Variants in LRRC53 observed in about 807,000 individuals in gnomAD.
The protein encoded by LRRC53 is leucine rich repeat containing 53.
In LRRC53, 25 loss-of-function variants were observed where a neutral mutation model predicts 13.6. The observed-to-expected ratio is 1.83, with a 90% CI of 1.34 to 2.56. LRRC53 has a LOEUF of 2.56. Ranked by LOEUF, LRRC53 falls within the 30% of genes most tolerant of loss-of-function variation. The pLI is 0.00. For synonymous variants in LRRC53, 204 were observed against 109.8 expected (o/e 1.86, Z -5.37); for missense variants, 527 against 275.8 (o/e 1.91, Z -6.45).
At chr1:74,485,496 G>C (rs1044851530) in intron 1 of LRRC53, among the ~76,000 whole-genome samples, 1 of 152,156 alleles carries the variant, frequency 6.6e-6, no homozygotes, top group Non-Finnish European at 1.5e-5. Flanking sequence ...GTGATAAGCA[G>C]GATTCTAACA....
chr1:74,474,292 T>G (rs890309078), intron 4 of LRRC53, among the ~76,000 whole-genome samples: 2 of 152,164 alleles, frequency 1.3e-5, no homozygotes, highest in African/African-American at 4.8e-5. Flanking sequence ...CAGTCTGACC[T>G]GGTTTCTATG....
chr1:74,523,316 T>C, the LRRC53 span, among the ~76,000 whole-genome samples: 4 of 152,214 alleles, frequency 2.6e-5, no homozygotes, highest in Non-Finnish European at 1.5e-5. Context: ...TCTAAAGACA[T>C]GTATCATCAA....
rs761055012 is a variant in LRRC53, at chr1:74,489,230, G to T, written c.-26-5855C>A. 3.1e-6 allele frequency: 5 copies of T among 1,611,962 alleles called. No individual in the cohort carries two copies. In the South Asian group the frequency reaches 5.5e-5, roughly 18 times the overall value. On this transcript the variant is annotated intron_variant, in intron 1 of 4. Coordinates refer to ENST00000294635, the MANE Select transcript of LRRC53 (RefSeq NM_001382280.1). ...CTGAAGTTGTCATGAAGTTAGAAGAGTGTCTCTGCAACATTGAGGTAAAAG... is the reference window on the plus strand; with the variant it reads ...CTGAAGTTGTCATGAAGTTAGAAGATTGTCTCTGCAACATTGAGGTAAAAG...
At chr1:74,483,007 G>T (rs966597452) in intron 2 of LRRC53, among the ~76,000 whole-genome samples, 3 of 152,148 alleles carry the variant, frequency 2.0e-5, no homozygotes, top group Non-Finnish European at 4.4e-5. Context: ...GTGTGTAGCT[G>T]GATAAAATGG....
chr1:74,473,598 G>A (rs78430300), intron 4 of LRRC53, among the ~76,000 whole-genome samples: 2 of 151,514 alleles, frequency 1.3e-5, no homozygotes, highest in Non-Finnish European at 2.9e-5. Flanking sequence ...GTAGACAGGA[G>A]ATGTACTCTC....
chr1:74,495,657 C>T (rs1669292319), intron 1 of LRRC53, among the ~76,000 whole-genome samples: 1 of 152,080 alleles, frequency 6.6e-6, no homozygotes, highest in African/African-American at 2.4e-5. Flanking sequence ...AACTGAGGCT[C>T]ATAGAAAAGG....
At chr1:74,497,843 G>A (rs1472884261) in intron 1 of LRRC53, among the ~76,000 whole-genome samples, 1 of 152,072 alleles carries the variant, frequency 6.6e-6, no homozygotes, top group Non-Finnish European at 1.5e-5. Context: ...AGTGAATTCC[G>A]GAGTCCAATT....
chr1:74,492,989 C>G (rs1169751444), intron 1 of LRRC53, among the ~76,000 whole-genome samples: 1 of 152,088 alleles, frequency 6.6e-6, no homozygotes, highest in East Asian at 1.9e-4. Context: ...TCTAGTGTCC[C>G]TTTATCTTCT....
chr1:74,505,865 C>T (rs558467877), intron 1 of LRRC53, among the ~76,000 whole-genome samples: 62 of 152,282 alleles, frequency 4.1e-4, no homozygotes, highest in African/African-American at 1.4e-3. Context: ...ATTAGCTGAA[C>T]ATTTTTTATT....
intron 1 of LRRC53, among the ~76,000 whole-genome samples, chr1:74,490,124 T>C (rs771135546): frequency 3.3e-5 from 5 of 151,614 alleles, no homozygotes; most frequent in Admixed American, 6.6e-5. Flanking sequence ...GGATTTGCAG[T>C]TACAGCCTGC....
intron 1 of LRRC53, among the ~76,000 whole-genome samples, chr1:74,504,962 A>G (rs999239074): frequency 6.6e-6 from 1 of 152,216 alleles, no homozygotes; most frequent in African/African-American, 2.4e-5. Context: ...AAACTGCTAA[A>G]TAAATGGTGA....
chr1:74,536,627 T>C, the LRRC53 span, among the ~76,000 whole-genome samples: 4 of 152,082 alleles, frequency 2.6e-5, no homozygotes, highest in East Asian at 5.8e-4. Context: ...AAAGACTATG[T>C]TATTCTCTTT....
At position 74,488,348 on chromosome 1, in the gene LRRC53, G is replaced by A. The variant is rs375608805; in HGVS notation, c.-26-4973C>T. On this transcript the variant is annotated intron_variant, in intron 1 of 4. Coordinates refer to ENST00000294635, the MANE Select transcript of LRRC53 (RefSeq NM_001382280.1). ...TATAAGGGAAGCAGTGTTCTCAGGG[G>A]TGGGCTAGATAGTAAGGGAGAAATT... is the stretch of plus-strand genomic sequence containing the variant. 5.3e-5 allele frequency among the ~76,000 whole-genome samples: 8 copies of A among 152,256 alleles called. No individual in the cohort carries two copies. The East Asian group carries it at 1.5e-3, about 29-fold the overall frequency.
chr1:74,512,128 C>T (rs928705843), intron 1 of LRRC53, among the ~76,000 whole-genome samples: 1 of 152,146 alleles, frequency 6.6e-6, no homozygotes, highest in African/African-American at 2.4e-5. Flanking sequence ...TAGCAGCCAC[C>T]AGTCTTTATT....
upstream of LRRC53, among the ~76,000 whole-genome samples, chr1:74,516,418 C>G (rs977600133): frequency 6.6e-6 from 1 of 152,128 alleles, no homozygotes; most frequent in South Asian, 2.1e-4. Context: ...AAGGCAATAT[C>G]AAATCCGTAC....
In LRRC53 at chr1:74,480,848, T is replaced by C. The variant is rs764622431; in HGVS notation, c.209A>G (p.Glu70Gly). The change falls in exon 3 of 5, where the codon GAG becomes GGG. Residue 70 changes from glutamate (E) to glycine (G), a missense_variant. Transcript: ENST00000294635. ...ATGCAGGGCATCTTCCTGAACATCC[T>C]CGATACCATTTCTGCTTAGGGAGAG... The part of the protein sequence containing the change: ...ALLSLSRNGI[E>G]DVQEDALHGL... 4.7e-5 allele frequency: 34 copies of C among 717,352 alleles called. 1 individual carries two copies. The South Asian group carries it at 5.0e-4, about 11-fold the overall frequency. 44.4% of individuals were successfully genotyped at this position (717,352 alleles called of 1,614,324 possible).
chr1:74,507,410 C>A (rs1488060801), intron 1 of LRRC53, among the ~76,000 whole-genome samples: 1 of 152,118 alleles, frequency 6.6e-6, no homozygotes, highest in Non-Finnish European at 1.5e-5. Flanking sequence ...TTATTGATGT[C>A]TTTGTATGTC....
chr1:74,505,757 G>A lies in LRRC53; in HGVS notation c.-27+6769C>T, dbSNP rs1042967688. Among the ~76,000 whole-genome samples, 6 of 152,072 alleles carry A rather than the reference G, an allele frequency of 3.9e-5. 1 individual carries two copies. The East Asian group carries it at 1.2e-3, about 29-fold the overall frequency. On this transcript the variant is annotated intron_variant, in intron 1 of 4. Transcript: ENST00000294635. ...AGTTTTTCTTGATATTTAGTTAATG[G>A]CAACTAACGAAATCTGAAAAAATAC...
intron 1 of LRRC53, among the ~76,000 whole-genome samples, chr1:74,511,237 G>C (rs1260003519): frequency 1.3e-5 from 2 of 150,844 alleles, no homozygotes; most frequent in Non-Finnish European, 2.9e-5. Flanking sequence ...TTATTGCCCA[G>C]GCTGGAGTGC....
Sources: gnomAD v4.1 joint callset for allele counts (sites outside exome capture counted in the v4.1 genomes callset) on GRCh38, gnomAD v4.1.1 for gene constraint, MANE v1.5 for transcripts, NCBI Gene and HGNC (gene_info 2026-07-23, HGNC 2026-07-21) for gene names.